CDH13: variants seen among roughly 807,000 people sequenced by gnomAD.
CDH13 encodes cadherin 13, also known as cadherin-13.
Under a neutral mutation model 63.8 loss-of-function variants are expected in CDH13, and 24 were observed. The ratio of observed to expected loss-of-function variants is 0.38; its 90% CI spans 0.27 to 0.53. CDH13 has a LOEUF of 0.53. CDH13 is among the 20% of genes least tolerant of loss of function. CDH13 has a pLI of 0.85. For missense variants in CDH13, 1,049 were observed against 903.1 expected, an observed-to-expected ratio of 1.16 and a Z score of -2.07; for synonymous variants, 503 against 355.3, an observed-to-expected ratio of 1.42 and a Z score of -4.67.
intron 2 of CDH13, among the ~76,000 whole-genome samples, chr16:82,960,919 G>A (rs1237929680): frequency 6.6e-6 from 1 of 152,108 alleles, no homozygotes; most frequent in Non-Finnish European, 1.5e-5. Flanking sequence ...GTTTTATACT[G>A]TGATTTGGAG....
At chr16:82,986,623 G>A (rs543217093) in intron 2 of CDH13, among the ~76,000 whole-genome samples, 3 of 152,250 alleles carry the variant, frequency 2.0e-5, no homozygotes, top group South Asian at 4.1e-4. Flanking sequence ...TTCTTCCTGT[G>A]TCTCTTATTT....
chr16:83,421,524 A>G (rs1470253669), intron 6 of CDH13, among the ~76,000 whole-genome samples: 1 of 152,212 alleles, frequency 6.6e-6, no homozygotes, highest in African/African-American at 2.4e-5. Flanking sequence ...AGACACATCA[A>G]GATCATGTTG....
At chr16:82,752,076 G>A (rs1029284977) in intron 1 of CDH13, among the ~76,000 whole-genome samples, 1 of 152,170 alleles carries the variant, frequency 6.6e-6, no homozygotes, top group African/African-American at 2.4e-5. Context: ...GAAATTAACA[G>A]AATATCCCCC....
intron 1 of CDH13, among the ~76,000 whole-genome samples, chr16:82,668,848 C>G (rs1448902044): frequency 3.3e-5 from 5 of 152,178 alleles, no homozygotes; most frequent in Admixed American, 6.5e-5. Flanking sequence ...GAGCCCCTGG[C>G]TTTGGAGCCA....
rs2033128948 is a variant in CDH13, at chr16:83,080,085, A to G, written c.367-45300A>G. ...TTATTTTATTAGGATCCCGACAGCAATCTTGTGGCCTGGGTGAAGGTCAAG... is the reference window on the plus strand; with the variant it reads ...TTATTTTATTAGGATCCCGACAGCAGTCTTGTGGCCTGGGTGAAGGTCAAG... On this transcript the variant is annotated intron_variant, in intron 3 of 13. Coordinates refer to ENST00000567109, the MANE Select transcript of CDH13 (RefSeq NM_001257.5). 3.3e-5 allele frequency among the ~76,000 whole-genome samples: 5 copies of G among 152,316 alleles called. No individual in the cohort carries two copies. In the South Asian group the frequency reaches 6.2e-4, roughly 19 times the overall value.
chr16:83,182,876 G>A (rs56683369), intron 4 of CDH13, among the ~76,000 whole-genome samples: 152 of 152,062 alleles, frequency 1.0e-3, no homozygotes, highest in African/African-American at 3.5e-3. Flanking sequence ...ATACTTAAAG[G>A]CATTTGCATT....
chr16:82,790,677 G>A (rs72805960), intron 1 of CDH13, among the ~76,000 whole-genome samples: 30,028 of 152,104 alleles, frequency 0.2, 3,675 homozygotes, highest in South Asian at 0.37. Context: ...GTTCACCATG[G>A]CTGGGAAGGC....
chr16:83,745,954 A>T (rs1303760522), intron 10 of CDH13, among the ~76,000 whole-genome samples: 1 of 152,168 alleles, frequency 6.6e-6, no homozygotes, highest in Non-Finnish European at 1.5e-5. Flanking sequence ...GGGAAGCAGC[A>T]GTTTTGAGTG....
At chr16:83,102,675 T>C (rs1479157714) in intron 3 of CDH13, among the ~76,000 whole-genome samples, 2 of 152,066 alleles carry the variant, frequency 1.3e-5, no homozygotes, top group Non-Finnish European at 2.9e-5. Flanking sequence ...GAAGAGGATG[T>C]AGAGGTATAG....
At chr16:83,514,291 G>A (rs867367008) in intron 7 of CDH13, among the ~76,000 whole-genome samples, 37 of 152,212 alleles carry the variant, frequency 2.4e-4, no homozygotes, top group African/African-American at 7.7e-4. Flanking sequence ...AATTAGCTAA[G>A]ATGAGGTTAT....
chr16:83,181,119 G>C, intron 4 of CDH13: 1 of 1,038,806 alleles, frequency 9.6e-7, no homozygotes, highest in Non-Finnish European at 1.3e-6. Context: ...TTGGGTATTT[G>C]GGATAGAAAT....
rs140850624 is a variant in CDH13, at chr16:83,673,896, G to A, written c.1284+2924G>A. 6.0e-3 allele frequency among the ~76,000 whole-genome samples: 917 copies of A among 152,312 alleles called. 5 individuals carry two copies. Among genetic ancestry groups the A allele is most frequent in the Middle Eastern group, 0.031 (9 of 294 alleles). ...TTCCAGGGGAAGAGGTGCCCACAGAGGCTGATGCTCTTGCTGACTTCAGCT... is the reference window on the plus strand; with the variant it reads ...TTCCAGGGGAAGAGGTGCCCACAGAAGCTGATGCTCTTGCTGACTTCAGCT... On this transcript the variant is annotated intron_variant, in intron 9 of 13. Coordinates refer to ENST00000567109, the MANE Select transcript of CDH13 (RefSeq NM_001257.5).
intron 5 of CDH13, among the ~76,000 whole-genome samples, chr16:83,225,847 C>A (rs1007897618): frequency 6.6e-6 from 1 of 152,098 alleles, no homozygotes; most frequent in Non-Finnish European, 1.5e-5. Flanking sequence ...TACCCCAGTT[C>A]GTTCATAATT....
At chr16:82,915,986 GC>G (rs2151272912) in intron 2 of CDH13, among the ~76,000 whole-genome samples, 1 of 152,008 alleles carries the variant, frequency 6.6e-6, no homozygotes, top group South Asian at 2.1e-4. Context: ...GCATGTCTGA[GC>G]AGAGACTTTT....
At chr16:83,312,682 G>C (rs1047889419) in intron 5 of CDH13, among the ~76,000 whole-genome samples, 2 of 152,138 alleles carry the variant, frequency 1.3e-5, no homozygotes, top group African/African-American at 4.8e-5. Context: ...TTAGAAGAGG[G>C]ACAGGAAAGC....
chr16:83,192,281 G>T (rs1478527122), intron 4 of CDH13, among the ~76,000 whole-genome samples: 1 of 152,182 alleles, frequency 6.6e-6, no homozygotes, highest in Non-Finnish European at 1.5e-5. Flanking sequence ...TATTCAGCAG[G>T]TAACTACGTA....
rs153654 is a variant in CDH13, at chr16:83,783,223, A to G, written c.1916-31A>G. On this transcript the variant is annotated intron_variant, in intron 12 of 13. Transcript: ENST00000567109. ...TCTTTTATTGGAAAAAGTCTCATCC[A>G]CTCTCACCAGAACCCTCCTTGCCTT... 1,282,191 of 1,492,500 alleles carry G rather than the reference A, an allele frequency of 0.86. 550,716 individuals carry two copies. Among genetic ancestry groups the G allele is most frequent in the Middle Eastern group, 0.89 (5,214 of 5,884 alleles). The allele number at this position is 1,492,500 out of a possible 1,614,324, so 92.5% of individuals were successfully genotyped here. A position where few individuals can be genotyped will look rare whatever the true frequency, so the allele number is the denominator to read the frequency against.
At chr16:83,260,927 G>T (rs562521959) in intron 5 of CDH13, among the ~76,000 whole-genome samples, 15 of 152,080 alleles carry the variant, frequency 9.9e-5, no homozygotes, top group Non-Finnish European at 2.2e-4. Flanking sequence ...GTCTTGGGGG[G>T]CGGCCATGTA....
At position 82,996,588 on chromosome 16, in the gene CDH13, C is replaced by T. The variant is rs571571374; in HGVS notation, c.158-35422C>T. 6.2e-4 allele frequency among the ~76,000 whole-genome samples: 94 copies of T among 152,258 alleles called. 1 individual carries two copies. Among genetic ancestry groups the T allele is most frequent in the Non-Finnish European group, 1.1e-3 (76 of 68,022 alleles). ...ACATTAATGATAGCAACAACAAAAACGACCTTGTTTAAGTTTTACGCCTTA... is the reference window on the plus strand; with the variant it reads ...ACATTAATGATAGCAACAACAAAAATGACCTTGTTTAAGTTTTACGCCTTA... On this transcript the variant is annotated intron_variant, in intron 2 of 13. Coordinates refer to ENST00000567109, the MANE Select transcript of CDH13 (RefSeq NM_001257.5).
Sources: gnomAD v4.1 joint callset for allele counts (sites outside exome capture counted in the v4.1 genomes callset) on GRCh38, gnomAD v4.1.1 for gene constraint, MANE v1.5 for transcripts, NCBI Gene and HGNC (gene_info 2026-07-23, HGNC 2026-07-21) for gene names.